Variants in SLCO4A1 observed in about 807,000 individuals in gnomAD.
SLCO4A1 encodes colon organic anion transporter.
Under a neutral mutation model 64.6 loss-of-function variants are expected in SLCO4A1, and 51 were observed. The ratio of observed to expected loss-of-function variants is 0.79; its 90% CI spans 0.63 to 1.00. The LOEUF (loss-of-function observed/expected upper bound fraction) is 1.00, where lower values mean the gene tolerates loss of function less well. SLCO4A1 is among the 50% of genes least tolerant of loss of function. The pLI is 0.00. For synonymous variants in SLCO4A1, 471 were observed against 444.9 expected, an observed-to-expected ratio of 1.06 and a Z score of -0.74; for missense variants, 919 against 980.5, an observed-to-expected ratio of 0.94 and a Z score of 0.84.
Position 62,656,420 on chromosome 20 carries a change from C to T in SLCO4A1, c.-35C>T. The T allele has an allele frequency of 6.9e-7, 1 of 1,448,384 alleles. No homozygotes were observed. The highest frequency in any genetic ancestry group is 9.1e-7 in the Non-Finnish European group (1 of 1,100,472). The allele number at this position is 1,448,384 out of a possible 1,614,324, so 89.7% of individuals were successfully genotyped here. ...CGCTGAGGCCACTCCCACTGCGTGGCTGAAGCCTCGAGGTCACCAGGCGGA... is the reference window on the plus strand; with the variant it reads ...CGCTGAGGCCACTCCCACTGCGTGGTTGAAGCCTCGAGGTCACCAGGCGGA... On this transcript the variant is annotated 5_prime_UTR_variant, in exon 2 of 12. Coordinates refer to ENST00000217159, the MANE Select transcript of SLCO4A1 (RefSeq NM_016354.4).
chr20:62,665,134 TCAGAAA>T (rs1193648475), intron 6 of SLCO4A1, 46 bp downstream of exon 6: 2 of 1,569,260 alleles, frequency 1.3e-6, no homozygotes, highest in Admixed American at 1.8e-5. Context: ...ATGTCAGTTC[TCAGAAA>T]CAGAGTCTTC....
At chr20:62,653,472 C>T (rs1231923222) in intron 1 of SLCO4A1, among the ~76,000 whole-genome samples, 2 of 152,246 alleles carry the variant, frequency 1.3e-5, no homozygotes, top group African/African-American at 4.8e-5. Flanking sequence ...CAAAAAAAGC[C>T]AGCAATTTGT....
At chr20:62,652,006 A>T (rs1448194446) in intron 1 of SLCO4A1, 1 of 148,630 alleles carries the variant, frequency 6.7e-6, no homozygotes, top group African/African-American at 2.5e-5. Flanking sequence ...GCCGAATCCG[A>T]CCCACTCCCC....
In SLCO4A1 at chr20:62,671,813, G is replaced by C. The variant is rs1490217048; in HGVS notation, c.2089G>C (p.Asp697His). 1 of 1,613,490 alleles carries C rather than the reference G, an allele frequency of 6.2e-7. No homozygotes were observed. Among genetic ancestry groups the C allele is most frequent in the African/African-American group, 1.3e-5 (1 of 74,940 alleles). ...FLYKPLSESSDGLETCLPSQS... is the reference protein window; with the variant it reads ...FLYKPLSESSHGLETCLPSQS... Reference sequence around the variant, plus strand: ...ATACAAGCCCCTGTCGGAGTCTTCAGATGGCCTGGAAACTTGTCTGCCCAG... The same window carrying C: ...ATACAAGCCCCTGTCGGAGTCTTCACATGGCCTGGAAACTTGTCTGCCCAG... The change falls in exon 12 of 12, where the codon GAT (aspartate) becomes CAT (histidine). Residue 697 changes from aspartate to histidine, a missense_variant. Transcript: ENST00000217159.
rs1336914885 is a variant in SLCO4A1, at chr20:62,668,199, G to A, written c.1811+15G>A. The A allele has an allele frequency of 2.5e-6, 4 of 1,613,468 alleles. No homozygotes were observed. The highest frequency in any genetic ancestry group is 3.3e-5 in the Admixed American group (2 of 60,006). On this transcript the variant is annotated intron_variant, in intron 9 of 11. Coordinates refer to ENST00000217159, the MANE Select transcript of SLCO4A1 (RefSeq NM_016354.4). ...GCAACTCTACGGTAAGCTGGGGTCG[G>A]GTGTGCGCTTGTCCAGAGCTTTCCT...
rs1419564570 is a variant in SLCO4A1, at chr20:62,664,921, C to G, written c.1122-13C>G. 4 of 1,587,154 alleles carry G rather than the reference C, an allele frequency of 2.5e-6. No individual in the cohort carries two copies. The highest frequency in any genetic ancestry group is 2.2e-5 in the East Asian group (1 of 44,524). ...ACCCTCAGTCTCTTCTCCACACCCC[C>G]ACCTCTGCCCAGCTCCATCTGGCTC... is the stretch of plus-strand genomic sequence containing the variant. On this transcript the variant is annotated splice_polypyrimidine_tract_variant and intron_variant, in intron 5 of 11. Coordinates refer to ENST00000217159, the MANE Select transcript of SLCO4A1 (RefSeq NM_016354.4).
At chr20:62,650,044 C>G (rs528510239) in intron 1 of SLCO4A1, 1 of 152,278 alleles carries the variant, frequency 6.6e-6, no homozygotes, top group Admixed American at 6.5e-5. Flanking sequence ...AAGCTGCTGC[C>G]TTTTCCGGGG....
rs535218663 is a variant in SLCO4A1, at chr20:62,683,390, C to T, written n.212-2051C>T. ...CGAGGACGGGCTTTTCCATCACTCT[C>T]GGTGGGGGCACCTGCTCCAGGGGCA... On this transcript the variant is annotated intron_variant and non_coding_transcript_variant, in intron 2 of 2. Coordinates refer to the SLCO4A1 transcript ENST00000466818. Among the ~76,000 whole-genome samples the T allele has an allele frequency of 8.7e-4, 133 of 152,132 alleles. 1 individual carries two copies. The highest frequency in any genetic ancestry group is 3.2e-3 in the African/African-American group (132 of 41,486).
intron 1 of SLCO4A1, chr20:62,650,677 T>C (rs1363787763): frequency 6.6e-6 from 1 of 152,196 alleles, no homozygotes; most frequent in Non-Finnish European, 1.5e-5. Context: ...CATTTGTCAT[T>C]GATGGAACTG....
chr20:62,687,850 C>A (rs1988115979), downstream of SLCO4A1, among the ~76,000 whole-genome samples: 1 of 152,150 alleles, frequency 6.6e-6, no homozygotes, highest in Non-Finnish European at 1.5e-5. Context: ...GCCTTCCGAG[C>A]CTCAGGGGTA....
In SLCO4A1 at chr20:62,685,144, G is replaced by T. The variant is rs1011461464; in HGVS notation, n.212-297G>T. 3.3e-5 allele frequency among the ~76,000 whole-genome samples: 5 copies of T among 151,890 alleles called. No homozygotes were observed. The highest frequency in any genetic ancestry group is 9.7e-5 in the African/African-American group (4 of 41,390). ...ATAAAACACACATGGTCAGAGCAGGGCACTCAGCTGCCGAGGAGGGGGGTG... is the reference window on the plus strand; with the variant it reads ...ATAAAACACACATGGTCAGAGCAGGTCACTCAGCTGCCGAGGAGGGGGGTG... On this transcript the variant is annotated intron_variant and non_coding_transcript_variant, in intron 2 of 2. Coordinates refer to the SLCO4A1 transcript ENST00000466818. The surrounding 1 kb of genome is among the most constrained non-coding windows in gnomAD (Gnocchi z 4.6).
At chr20:62,650,394 C>T (rs1982245932) in intron 1 of SLCO4A1, 3 of 152,350 alleles carry the variant, frequency 2.0e-5, no homozygotes, top group African/African-American at 7.2e-5. Flanking sequence ...CCATGAGGCC[C>T]TTCCAGCCCC....
chr20:62,645,902 G>A lies in SLCO4A1; in HGVS notation c.-97+3349G>A, dbSNP rs775818012. 4.5e-4 allele frequency among the ~76,000 whole-genome samples: 69 copies of A among 152,084 alleles called. No homozygotes were observed. Among genetic ancestry groups the A allele is most frequent in the Non-Finnish European group, 1.9e-4 (13 of 68,016 alleles). On this transcript the variant is annotated intron_variant, in intron 1 of 11. Transcript: ENST00000217159. The surrounding 1 kb of genome is among the most constrained non-coding windows in gnomAD (Gnocchi z 4.2). The stretch of plus-strand genomic sequence containing the variant: ...GGCCCAAGCCGCAGGGAGAGCTTGC[G>A]ATGCTTTGGGTGGCGTGTGTCGTCC...
At chr20:62,655,950 G>T (rs1983629279) in intron 1 of SLCO4A1, among the ~76,000 whole-genome samples, 1 of 152,164 alleles carries the variant, frequency 6.6e-6, no homozygotes, top group Non-Finnish European at 1.5e-5. Context: ...CAGCGAGCGG[G>T]GCCAGGGCGG....
At chr20:62,656,297 C>G in intron 1 of SLCO4A1, 62 bp from the exon 2 acceptor site, 1 of 644,496 alleles carries the variant, frequency 1.6e-6, no homozygotes, top group Non-Finnish European at 2.6e-6. Context: ...GGAATGTTCC[C>G]TCCTGGATGT....
intron 1 of SLCO4A1, chr20:62,643,237 G>A (rs1043443343): frequency 5.9e-6 from 2 of 341,478 alleles, no homozygotes; most frequent in Non-Finnish European, 1.2e-5. Context: ...CCCTCCAGGT[G>A]CAGGCAGAGG....
Position 62,645,938 on chromosome 20 carries a change from A to G in SLCO4A1, c.-97+3385A>G, listed in dbSNP as rs1981244852. 6.6e-6 allele frequency among the ~76,000 whole-genome samples: 1 copy of G among 151,900 alleles called. No individual in the cohort carries two copies. The highest frequency in any genetic ancestry group is 1.5e-5 in the Non-Finnish European group (1 of 67,960). On this transcript the variant is annotated intron_variant, in intron 1 of 11. Transcript: ENST00000217159. This position sits in a 1 kb window ranked among gnomAD's most constrained non-coding sequence, Gnocchi z 4.2. ...TGGCGTGTGTCGTCCAGTCTGCCCC[A>G]GGCTCACTTGGGGCCCTTGCATTTG...
chr20:62,683,269 T>C (rs1987915714), intron 2 of SLCO4A1, among the ~76,000 whole-genome samples: 1 of 152,174 alleles, frequency 6.6e-6, no homozygotes, highest in African/African-American at 2.4e-5. Flanking sequence ...GTGTTGGGCT[T>C]GGACCTCGGG....
intron 1 of SLCO4A1, among the ~76,000 whole-genome samples, chr20:62,648,053 C>G (rs964071867): frequency 1.3e-5 from 2 of 152,262 alleles, no homozygotes; most frequent in Admixed American, 6.5e-5. Flanking sequence ...CGCATACACC[C>G]TCCCCAGGCC....
Sources: allele counts gnomAD v4.1 joint callset (sites outside exome capture counted in the v4.1 genomes callset), GRCh38; gene constraint gnomAD v4.1.1; non-coding constraint Gnocchi (gnomAD v3.1); transcripts MANE v1.5; gene names NCBI Gene and HGNC (gene_info 2026-07-23, HGNC 2026-07-21).